Variants in REDIC1 observed in about 807,000 individuals in gnomAD.
REDIC1 encodes the protein regulator of DNA class I crossover intermediates 1, also known as HEI10 Interacting Protein 1.
the REDIC1 span, among the ~76,000 whole-genome samples, chr12:39,698,090 A>G: frequency 1.3e-5 from 2 of 152,226 alleles, no homozygotes; most frequent in African/African-American, 4.8e-5. Context: ...AGAAACCAAA[A>G]AAGAGCAAGA....
the REDIC1 span, chr12:39,754,163 T>C: frequency 6.6e-6 from 1 of 152,172 alleles, no homozygotes; most frequent in African/African-American, 2.4e-5. Context: ...AAGAGTTTTC[T>C]ATGACTTTCT....
At chr12:39,665,286 C>T in the REDIC1 span, among the ~76,000 whole-genome samples, 2 of 152,230 alleles carry the variant, frequency 1.3e-5, no homozygotes, top group Non-Finnish European at 2.9e-5. Flanking sequence ...CAGCTTTCTA[C>T]ATATGGCTAG....
the REDIC1 span, among the ~76,000 whole-genome samples, chr12:39,662,700 T>C: frequency 2.8e-4 from 43 of 152,224 alleles, no homozygotes; most frequent in African/African-American, 9.9e-4. Flanking sequence ...CATCTTTGTC[T>C]TGTTCTAGTT....
the REDIC1 span, among the ~76,000 whole-genome samples, chr12:39,906,522 T>A: frequency 6.6e-6 from 1 of 152,216 alleles, no homozygotes; most frequent in East Asian, 1.9e-4. Context: ...AAAAAACAGT[T>A]TCAACTTGAA....
the REDIC1 span, among the ~76,000 whole-genome samples, chr12:39,662,501 A>C: frequency 7.6e-6 from 1 of 131,908 alleles, no homozygotes; most frequent in Non-Finnish European, 1.6e-5. Flanking sequence ...AACTTTACTG[A>C]ATTTATCAAA....
the REDIC1 span, among the ~76,000 whole-genome samples, chr12:39,667,110 T>G: frequency 1.8e-3 from 277 of 152,328 alleles, no homozygotes; most frequent in African/African-American, 5.9e-3. Context: ...TTCTGCTAGC[T>G]TTTGAATGTG....
At chr12:39,684,290 C>A in the REDIC1 span, 1 of 949,878 alleles carries the variant, frequency 1.1e-6, no homozygotes, top group Non-Finnish European at 1.3e-6. Flanking sequence ...TAGTTTCTAG[C>A]TAAAATAGTC....
the REDIC1 span, among the ~76,000 whole-genome samples, chr12:39,847,125 T>A: frequency 6.6e-6 from 1 of 152,200 alleles, no homozygotes; most frequent in Admixed American, 6.6e-5. Flanking sequence ...AGACTTCTAA[T>A]GAGCACAGAG....
At chr12:39,897,033 T>G in the REDIC1 span, among the ~76,000 whole-genome samples, 1 of 152,196 alleles carries the variant, frequency 6.6e-6, no homozygotes, top group Non-Finnish European at 1.5e-5. Context: ...CAACAAGTTC[T>G]AACCCTTAGT....
the REDIC1 span, among the ~76,000 whole-genome samples, chr12:39,807,853 T>C: frequency 6.6e-6 from 1 of 152,146 alleles, no homozygotes; most frequent in Non-Finnish European, 1.5e-5. Flanking sequence ...TTGTCTGTGA[T>C]GAAAAGTGTC....
chr12:39,653,457 A>G, the REDIC1 span, among the ~76,000 whole-genome samples: 1 of 150,490 alleles, frequency 6.6e-6, no homozygotes, highest in Non-Finnish European at 1.5e-5. Context: ...TGTCCATAGT[A>G]AGTATATTTT....
the REDIC1 span, chr12:39,682,600 T>C: frequency 2.6e-6 from 4 of 1,518,998 alleles, no homozygotes; most frequent in Admixed American, 2.2e-5. Context: ...ATGTTTTTGT[T>C]TATCCCAAAG....
chr12:39,859,647 C>T, the REDIC1 span, among the ~76,000 whole-genome samples: 6 of 152,052 alleles, frequency 3.9e-5, no homozygotes, highest in African/African-American at 1.4e-4. Flanking sequence ...CTCAGCTTCC[C>T]GAGTAGCTGG....
the REDIC1 span, among the ~76,000 whole-genome samples, chr12:39,712,977 ATATACAT>A: frequency 1.4e-4 from 3 of 21,292 alleles, no homozygotes; most frequent in Non-Finnish European, 2.1e-4. Flanking sequence ...GTATATGTAT[ATATACAT>A]GTGTATATAC....
chr12:39,760,292 A>G, the REDIC1 span: 5 of 1,533,998 alleles, frequency 3.3e-6, no homozygotes, highest in South Asian at 4.7e-5. Context: ...ATGAATATAT[A>G]GAGAGAGGCT....
At chr12:39,786,943 A>C in the REDIC1 span, among the ~76,000 whole-genome samples, 1 of 152,158 alleles carries the variant, frequency 6.6e-6, no homozygotes, top group African/African-American at 2.4e-5. Flanking sequence ...AGGACTTTTT[A>C]CATGAATCTA....
chr12:39,892,885 T>G, the REDIC1 span, among the ~76,000 whole-genome samples: 1 of 152,092 alleles, frequency 6.6e-6, no homozygotes, highest in African/African-American at 2.4e-5. Flanking sequence ...TAAAGCAAAA[T>G]TGTAGAGCTT....
chr12:39,639,624 A>G, the REDIC1 span, among the ~76,000 whole-genome samples: 1 of 151,884 alleles, frequency 6.6e-6, no homozygotes, highest in Non-Finnish European at 1.5e-5. Flanking sequence ...AAGCAGTGTG[A>G]TCTTGGGGAA....
the REDIC1 span, among the ~76,000 whole-genome samples, chr12:39,899,442 C>G: frequency 2.0e-5 from 3 of 152,230 alleles, no homozygotes; most frequent in East Asian, 5.8e-4. Flanking sequence ...CTCCTGGATT[C>G]ATTAACTTTT....
Sources: allele counts gnomAD v4.1 joint callset (sites outside exome capture counted in the v4.1 genomes callset), GRCh38; gene constraint gnomAD v4.1.1; transcripts MANE v1.5; gene names NCBI Gene and HGNC (gene_info 2026-07-23, HGNC 2026-07-21).